The following CEP128 variants were observed in gnomAD, a reference collection of about 807,000 sequenced individuals.
CEP128 encodes centrosomal protein 128kDa.
Under a neutral mutation model 156.7 loss-of-function variants are expected in CEP128, and 132 were observed. The ratio of observed to expected loss-of-function variants is 0.84; its 90% CI spans 0.73 to 0.97. The LOEUF (loss-of-function observed/expected upper bound fraction) is 0.97. Ranked by LOEUF, CEP128 falls within the 50% of genes least tolerant of loss-of-function variation. The pLI is 0.00. For synonymous variants in CEP128, 469 were observed against 448.9 expected, an observed-to-expected ratio of 1.04 and a Z score of -0.57; for missense variants, 1,252 against 1,281.9, an observed-to-expected ratio of 0.98 and a Z score of 0.36.
chr14:80,614,708 G>A (rs557358137), intron 19 of CEP128, among the ~76,000 whole-genome samples: 1 of 152,154 alleles, frequency 6.6e-6, no homozygotes, highest in South Asian at 2.1e-4. Flanking sequence ...CTAAACCTTT[G>A]AAAGTCAAAT....
intron 2 of CEP128, among the ~76,000 whole-genome samples, chr14:80,927,356 G>A (rs1445140728): frequency 6.6e-6 from 1 of 152,140 alleles, no homozygotes; most frequent in African/African-American, 2.4e-5. Context: ...TCTTGGAAAA[G>A]GGAACTATTT....
At chr14:80,617,219 C>CTTT (rs3069115) in intron 19 of CEP128, among the ~76,000 whole-genome samples, 874 of 60,184 alleles carry the variant, frequency 0.015, 272 homozygotes, top group African/African-American at 0.038. Context: ...TGAATATCAT[C>CTTT]TTTTTTTTTT....
At position 80,792,887 on chromosome 14, in the gene CEP128, C is replaced by T. The variant is rs758275772; in HGVS notation, c.1433G>A (p.Arg478Lys). 37 of 1,614,060 alleles carry T rather than the reference C, an allele frequency of 2.3e-5. No individual in the cohort carries two copies. Among genetic ancestry groups the T allele is most frequent in the Non-Finnish European group, 2.4e-5 (28 of 1,180,028 alleles). Reference protein sequence around the residue: ...SEALKEEAEKRREDLKLKAQE... With the variant: ...SEALKEEAEKKREDLKLKAQE... ...AGCTTTCAGTTTCAGGTCTTCCCTCCTCTTCTCCGCCTCCTCTTTCAGAGC... is the reference window on the plus strand; with the variant it reads ...AGCTTTCAGTTTCAGGTCTTCCCTCTTCTTCTCCGCCTCCTCTTTCAGAGC... The change falls in exon 14 of 25, where the codon AGG (arginine) becomes AAG (lysine). Residue 478 changes from arginine (R) to lysine (K), a missense_variant. Coordinates refer to ENST00000555265, the MANE Select transcript of CEP128 (RefSeq NM_152446.5).
At chr14:80,596,622 AAC>A (rs1892330735) in intron 19 of CEP128, among the ~76,000 whole-genome samples, 1 of 151,802 alleles carries the variant, frequency 6.6e-6, no homozygotes, top group Admixed American at 6.6e-5. Flanking sequence ...CAGCCTGGGA[AAC>A]ACAGTGAGAT....
At chr14:80,726,962 A>G (rs1898042820) in intron 19 of CEP128, among the ~76,000 whole-genome samples, 1 of 152,190 alleles carries the variant, frequency 6.6e-6, no homozygotes, top group African/African-American at 2.4e-5. Context: ...GATCTGAGAA[A>G]AGATTGCATA....
chr14:80,913,635 G>A (rs1260768912), intron 4 of CEP128, among the ~76,000 whole-genome samples: 1 of 152,040 alleles, frequency 6.6e-6, no homozygotes, highest in Non-Finnish European at 1.5e-5. Context: ...ACATAAAGGT[G>A]TACAGAGTGG....
upstream of CEP128, among the ~76,000 whole-genome samples, chr14:80,944,880 A>C (rs1388424704): frequency 1.3e-4 from 19 of 149,416 alleles, no homozygotes; most frequent in African/African-American, 3.9e-4. Context: ...AACAAAACAA[A>C]AAAAAAAAAA....
At chr14:80,685,478 A>G (rs1896488621) in intron 19 of CEP128, among the ~76,000 whole-genome samples, 1 of 152,198 alleles carries the variant, frequency 6.6e-6, no homozygotes, top group South Asian at 2.1e-4. Flanking sequence ...TTCCATGCTC[A>G]TGAATTGAAA....
chr14:80,539,748 CAG>C (rs150876192), intron 21 of CEP128, among the ~76,000 whole-genome samples: 8,689 of 152,128 alleles, frequency 0.057, 332 homozygotes, highest in African/African-American at 0.098. Flanking sequence ...AGCGTATAAA[CAG>C]ATGTGCAAGT....
intron 13 of CEP128, among the ~76,000 whole-genome samples, chr14:80,802,468 G>A (rs149816125): frequency 2.2e-3 from 332 of 150,872 alleles, no homozygotes; most frequent in African/African-American, 6.7e-3. Context: ...GCTCTCACTC[G>A]TAAGTGGGAG....
intron 19 of CEP128, among the ~76,000 whole-genome samples, chr14:80,615,535 G>A (rs144856450): frequency 1.3e-5 from 2 of 152,334 alleles, no homozygotes; most frequent in Non-Finnish European, 2.9e-5. Context: ...GTAATCCAGA[G>A]GGGGCAGGGA....
intron 14 of CEP128, among the ~76,000 whole-genome samples, chr14:80,789,934 G>T (rs2139830694): frequency 6.6e-6 from 1 of 151,834 alleles, no homozygotes; most frequent in East Asian, 1.9e-4. Context: ...CAGATGGCTG[G>T]ATTATACTAA....
intron 2 of CEP128, chr14:80,955,016 T>A (rs1048421608): frequency 6.5e-6 from 1 of 153,712 alleles, no homozygotes; most frequent in Non-Finnish European, 1.4e-5. Context: ...GAGTGGCCCC[T>A]GCAGTTGGAT....
chr14:80,555,652 C>T (rs1341838715), intron 21 of CEP128, among the ~76,000 whole-genome samples: 1 of 152,116 alleles, frequency 6.6e-6, no homozygotes, highest in Non-Finnish European at 1.5e-5. Flanking sequence ...TTGTTCATTA[C>T]TGCCTTAGAC....
intron 8 of CEP128, among the ~76,000 whole-genome samples, chr14:80,886,972 G>C (rs180763451): frequency 2.6e-5 from 4 of 152,046 alleles, no homozygotes; most frequent in South Asian, 2.1e-4. Flanking sequence ...ATAAAGCAAG[G>C]GTTGCAATCC....
At chr14:80,665,175 T>A (rs1312103508) in intron 19 of CEP128, among the ~76,000 whole-genome samples, 4 of 152,172 alleles carry the variant, frequency 2.6e-5, no homozygotes, top group Admixed American at 2.0e-4. Flanking sequence ...TGCAAGTAGA[T>A]TGGGAGCAGT....
chr14:80,810,521 G>A (rs753326996), intron 13 of CEP128, among the ~76,000 whole-genome samples: 1 of 151,816 alleles, frequency 6.6e-6, no homozygotes, highest in Non-Finnish European at 1.5e-5. Context: ...GAAATGAATG[G>A]ATTTGATTTC....
chr14:80,512,510 T>C (rs1055791027), intron 23 of CEP128, among the ~76,000 whole-genome samples: 6 of 152,138 alleles, frequency 3.9e-5, no homozygotes, highest in East Asian at 3.9e-4. Flanking sequence ...CAACAGACCA[T>C]TGGGTCTTGT....
intron 6 of CEP128, among the ~76,000 whole-genome samples, chr14:80,904,299 G>C (rs1408301047): frequency 1.3e-5 from 2 of 151,994 alleles, no homozygotes; most frequent in African/African-American, 2.4e-5. Flanking sequence ...TTAACTCATA[G>C]AAAGATAGAG....
Sources: allele counts gnomAD v4.1 joint callset (sites outside exome capture counted in the v4.1 genomes callset), GRCh38; gene constraint gnomAD v4.1.1; transcripts MANE v1.5; gene names NCBI Gene and HGNC (gene_info 2026-07-23, HGNC 2026-07-21).